GANC: variants seen among roughly 807,000 people sequenced by gnomAD.
GANC encodes neutral alpha-glucosidase C.
A neutral mutation model predicts 124.2 loss-of-function variants in GANC; 117 were observed. That is an observed-to-expected ratio of 0.94 (90% CI 0.81 to 1.10). The LOEUF (loss-of-function observed/expected upper bound fraction) is 1.10, where lower values mean the gene tolerates loss of function less well. Ranked by LOEUF, GANC falls within the 50% of genes least tolerant of loss-of-function variation. The pLI is 0.00. For synonymous variants in GANC, 377 were observed against 376.8 expected, an observed-to-expected ratio of 1.00 and a Z score of -0.01; for missense variants, 1,140 against 1,095.0, an observed-to-expected ratio of 1.04 and a Z score of -0.58.
intron 21 of GANC, 131 bp downstream of exon 21, chr15:42,348,347 T>C: frequency 1.6e-6 from 1 of 630,724 alleles, no homozygotes; most frequent in Non-Finnish European, 2.7e-6. Flanking sequence ...GAATCATTTC[T>C]GAATCATTGT....
intron 15 of GANC, among the ~76,000 whole-genome samples, chr15:42,337,569 T>C (rs1347922388): frequency 6.6e-6 from 1 of 151,434 alleles, no homozygotes; most frequent in African/African-American, 2.4e-5. Flanking sequence ...GAATAGAGGG[T>C]GGGAAGAGGA....
chr15:42,323,026 A>C (rs1199401777), intron 11 of GANC, among the ~76,000 whole-genome samples: 1 of 152,248 alleles, frequency 6.6e-6, no homozygotes, highest in African/African-American at 2.4e-5. Flanking sequence ...TTCCCAATTA[A>C]TAAATAGTTA....
chr15:42,336,122 A>C (rs1490286030), intron 15 of GANC, among the ~76,000 whole-genome samples: 1 of 148,476 alleles, frequency 6.7e-6, no homozygotes, highest in Non-Finnish European at 1.5e-5. Context: ...AACTATTTTA[A>C]AATTCATATT....
At chr15:42,335,985 A>G (rs778250125) in intron 15 of GANC, among the ~76,000 whole-genome samples, 3 of 152,196 alleles carry the variant, frequency 2.0e-5, no homozygotes, top group Non-Finnish European at 2.9e-5. Context: ...AGCAAATAGA[A>G]AAACATTCCA....
intron 10 of GANC, among the ~76,000 whole-genome samples, chr15:42,312,214 T>A (rs2052057295): frequency 6.6e-6 from 1 of 152,158 alleles, no homozygotes; most frequent in South Asian, 2.1e-4. Context: ...GCCAAAACAA[T>A]CCTTAAAAAG....
intron 15 of GANC, 41 bp from the exon 16 acceptor site, chr15:42,338,348 G>A (rs2052300072): frequency 1.1e-5 from 15 of 1,427,596 alleles, no homozygotes; most frequent in Non-Finnish European, 1.5e-5. Flanking sequence ...GAACGCATGG[G>A]TTGATTTGTG....
intron 16 of GANC, among the ~76,000 whole-genome samples, chr15:42,339,349 CACACACACAGTT>C (rs1255333432): frequency 1.4e-5 from 2 of 147,182 alleles, no homozygotes; most frequent in African/African-American, 2.6e-5. Flanking sequence ...CACACACACA[CACACACACAGTT>C]ATTTAATCAG....
At chr15:42,277,197 T>G (rs1566947581) in intron 2 of GANC, among the ~76,000 whole-genome samples, 1 of 152,170 alleles carries the variant, frequency 6.6e-6, no homozygotes, top group Non-Finnish European at 1.5e-5. Context: ...CAGATTTCCC[T>G]CCATAGGAAT....
intron 6 of GANC, among the ~76,000 whole-genome samples, chr15:42,303,030 A>G (rs1342925386): frequency 6.6e-6 from 1 of 152,184 alleles, no homozygotes; most frequent in African/African-American, 2.4e-5. Flanking sequence ...ACTCCTCAAG[A>G]AGAGCAATCC....
At chr15:42,310,619 C>CTGTT in intron 9 of GANC, 74 bp from the exon 10 acceptor site, 1 of 1,555,084 alleles carries the variant, frequency 6.4e-7, no homozygotes, top group Admixed American at 1.8e-5. Flanking sequence ...AAGGATCAGA[C>CTGTT]TGTTACTTAT....
intron 10 of GANC, among the ~76,000 whole-genome samples, chr15:42,319,438 G>T (rs543627695): frequency 1.3e-5 from 2 of 152,162 alleles, no homozygotes; most frequent in East Asian, 3.9e-4. Context: ...TCTAGCTCCT[G>T]GGCTCAAGCA....
intron 6 of GANC, among the ~76,000 whole-genome samples, 172 bp downstream of exon 6, chr15:42,297,828 CATTCATTT>C (rs1258946313): frequency 1.5e-4 from 8 of 52,984 alleles, no homozygotes; most frequent in Non-Finnish European, 3.7e-4. Flanking sequence ...TTGATTCATT[CATTCATTT>C]ATTCATTCAT....
chr15:42,304,703 G>C (rs2051976743), intron 6 of GANC, among the ~76,000 whole-genome samples: 1 of 152,170 alleles, frequency 6.6e-6, no homozygotes, highest in Non-Finnish European at 1.5e-5. Context: ...CACTCTACCT[G>C]ACTTCAAATT....
Position 42,333,022 on chromosome 15 carries a change from A to AT in GANC, c.1741+2350_1741+2351insT, listed in dbSNP as rs1463755505. Reference sequence around the variant, plus strand: ...AACAAGAGCAAAACTCTGTCTCAAAAAATATATATATATATATTTTTTTTG... The same window carrying AT: ...AACAAGAGCAAAACTCTGTCTCAAAATAATATATATATATATATTTTTTTTG... On this transcript the variant is annotated intron_variant, in intron 15 of 23. Coordinates refer to ENST00000318010, the MANE Select transcript of GANC (RefSeq NM_198141.3). 1.3e-3 allele frequency among the ~76,000 whole-genome samples: 74 copies of AT among 56,198 alleles called. No homozygotes were observed. The East Asian group carries it at 0.023, about 18-fold the overall frequency. 36.9% of individuals were successfully genotyped at this position (56,198 alleles called of 152,430 possible).
intron 14 of GANC, 117 bp from the exon 15 acceptor site, chr15:42,330,459 A>G: frequency 1.5e-6 from 1 of 657,816 alleles, no homozygotes; most frequent in Non-Finnish European, 2.7e-6. Context: ...ATTTATTTTA[A>G]TATTTTCCAT....
chr15:42,334,527 T>C (rs1268316806), intron 15 of GANC, among the ~76,000 whole-genome samples: 1 of 151,750 alleles, frequency 6.6e-6, no homozygotes, highest in Non-Finnish European at 1.5e-5. Flanking sequence ...AAAGCATGAA[T>C]CATAAAAGAA....
intron 13 of GANC, 52 bp downstream of exon 13, chr15:42,327,494 G>C: frequency 7.6e-7 from 1 of 1,315,858 alleles, no homozygotes; most frequent in Non-Finnish European, 1.1e-6. Context: ...AGTGAAAGAA[G>C]TGGAAAAAGT....
intron 12 of GANC, among the ~76,000 whole-genome samples, chr15:42,326,648 AAAAT>A (rs1323851015): frequency 6.6e-6 from 1 of 152,210 alleles, no homozygotes; most frequent in African/African-American, 2.4e-5. Flanking sequence ...GAATGAATGA[AAAAT>A]AAACAAGCAA....
At chr15:42,338,678 C>G (rs1385722667) in intron 16 of GANC, among the ~76,000 whole-genome samples, 188 bp downstream of exon 16, 2 of 152,292 alleles carry the variant, frequency 1.3e-5, no homozygotes, top group East Asian at 3.9e-4. Flanking sequence ...AGAGCTATTT[C>G]TATCTGGTCT....
Sources: gnomAD v4.1 joint callset for allele counts (sites outside exome capture counted in the v4.1 genomes callset) on GRCh38, gnomAD v4.1.1 for gene constraint, MANE v1.5 for transcripts, NCBI Gene and HGNC (gene_info 2026-07-23, HGNC 2026-07-21) for gene names.